UGT1A7: variants seen among roughly 807,000 people sequenced by gnomAD.
The protein encoded by UGT1A7 is UDP-glucuronosyltransferase 1A7.
In UGT1A7, 33 loss-of-function variants were observed where a neutral mutation model predicts 45.6. That is an observed-to-expected ratio of 0.72 (90% CI 0.55 to 0.97). UGT1A7 has a LOEUF of 0.97. Ranked by LOEUF, UGT1A7 falls within the 50% of genes least tolerant of loss-of-function variation. The pLI is 0.00. For synonymous variants in UGT1A7, 274 were observed against 250.6 expected, an observed-to-expected ratio of 1.09 and a Z score of -0.88; for missense variants, 684 against 666.2, an observed-to-expected ratio of 1.03 and a Z score of -0.29.
chr2:233,716,843 C>G (rs1303779141), intron 1 of UGT1A7, among the ~76,000 whole-genome samples: 1 of 152,176 alleles, frequency 6.6e-6, no homozygotes, highest in Non-Finnish European at 1.5e-5. Context: ...ATGGCTTCAG[C>G]TACCACATAT....
intron 1 of UGT1A7, among the ~76,000 whole-genome samples, chr2:233,684,791 C>G (rs2125530049): frequency 6.6e-6 from 1 of 152,178 alleles, no homozygotes; most frequent in South Asian, 2.1e-4. Context: ...GCAAAGAGCC[C>G]TGGATATGGC....
At chr2:233,718,681 T>C in intron 1 of UGT1A7, 1 of 1,572,088 alleles carries the variant, frequency 6.4e-7, no homozygotes, top group Admixed American at 1.8e-5. Context: ...GGGTAATAAG[T>C]AACTGGAGGA....
At chr2:233,747,710 A>G (rs1208548533) in intron 1 of UGT1A7, 3 of 1,612,980 alleles carry the variant, frequency 1.9e-6, no homozygotes, top group Non-Finnish European at 1.7e-6. Flanking sequence ...AGTACCTATC[A>G]ATTCCTGCTG....
Position 233,767,146 on chromosome 2 carries a change from T to C in UGT1A7, c.968T>C (p.Leu323Ser), listed in dbSNP as rs372326047. ...EKKAMAIADA[L>S]GKIPQTVLWR... The stretch of plus-strand genomic sequence containing the variant: ...AAAGCTATGGCAATTGCTGATGCTT[T>C]GGGCAAAATCCCTCAGACAGTAAGA... Residue 323 changes from leucine (L) to serine (S), a missense_variant, in exon 2 of 5, where the codon TTG (leucine) becomes TCG (serine). Transcript: ENST00000373426. 1 of 1,614,014 alleles carries C rather than the reference T, an allele frequency of 6.2e-7. No individual in the cohort carries two copies. Among genetic ancestry groups the C allele is most frequent in the Admixed American group, 1.7e-5 (1 of 60,006 alleles).
intron 1 of UGT1A7, chr2:233,755,178 T>C: frequency 8.1e-7 from 1 of 1,236,812 alleles, no homozygotes; most frequent in Non-Finnish European, 1.1e-6. Flanking sequence ...TTTGTCGGGG[T>C]GCCACTTGAG....
rs1178808521 is a variant in UGT1A7, at chr2:233,725,276, A to AGAG, written c.856-41756_856-41754dup. ...AGGCAGAGGCAGAGGAGGCAGAGGC[A>AGAG]GAGGCAGAGGCAGAGGCAGAGGCAG... On this transcript the variant is annotated intron_variant, in intron 1 of 4. Transcript: ENST00000373426. Among the ~76,000 whole-genome samples the AGAG allele has an allele frequency of 5.2e-3, 248 of 47,428 alleles. 10 individuals carry two copies. The highest frequency in any genetic ancestry group is 6.8e-3 in the Non-Finnish European group (161 of 23,506). 31.1% of individuals were successfully genotyped at this position (47,428 alleles called of 152,430 possible).
chr2:233,765,884 C>T (rs1054179790), intron 1 of UGT1A7, among the ~76,000 whole-genome samples: 2 of 152,082 alleles, frequency 1.3e-5, no homozygotes, highest in African/African-American at 4.8e-5. Context: ...CTCACTTTCT[C>T]AGTGCGCCAC....
At chr2:233,692,857 T>G (rs2075117463) in intron 1 of UGT1A7, 1 of 1,468,162 alleles carries the variant, frequency 6.8e-7, no homozygotes, top group South Asian at 1.5e-5. Context: ...ATTTGGGTTC[T>G]TACATATCAA....
intron 1 of UGT1A7, among the ~76,000 whole-genome samples, chr2:233,722,820 A>AT (rs1013250134): frequency 4.0e-5 from 6 of 148,234 alleles, no homozygotes; most frequent in Non-Finnish European, 9.0e-5. Context: ...TTTTCAAGTT[A>AT]TTTTGTATTA....
chr2:233,726,571 G>C (rs949058531), intron 1 of UGT1A7, among the ~76,000 whole-genome samples: 3 of 152,106 alleles, frequency 2.0e-5, no homozygotes, highest in African/African-American at 7.2e-5. Context: ...TCTTACGCCT[G>C]TCTCCTTCAC....
chr2:233,715,603 C>G (rs1207220731), intron 1 of UGT1A7, among the ~76,000 whole-genome samples: 3 of 151,896 alleles, frequency 2.0e-5, no homozygotes, highest in Non-Finnish European at 4.4e-5. Context: ...GAGACTCCAT[C>G]TCTACAAAAA....
rs201684360 is a variant in UGT1A7 at position 233,682,038 on chromosome 2, A to T, written c.101A>T (p.Asp34Val). ...GGGAAGCTGCTGGTAGTGCCCATGG[A>T]TGGGAGCCACTGGTTCACCATGCAG... Reference protein sequence around the residue: ...KAGKLLVVPMDGSHWFTMQSV... With the variant: ...KAGKLLVVPMVGSHWFTMQSV... Residue 34 changes from aspartate (D) to valine (V), a missense_variant, in exon 1 of 5, where the codon GAT becomes GTT. By Grantham distance (152) the Asp-to-Val change is radical. Transcript: ENST00000373426. 1.2e-6 allele frequency: 2 copies of T among 1,614,046 alleles called. No homozygotes were observed. Among genetic ancestry groups the T allele is most frequent in the South Asian group, 1.1e-5 (1 of 91,080 alleles).
At chr2:233,719,166 A>G (rs569258363) in intron 1 of UGT1A7, 1 of 1,614,266 alleles carries the variant, frequency 6.2e-7, no homozygotes, top group East Asian at 2.2e-5. Flanking sequence ...AAGTATGGCA[A>G]TTATGAACAA....
At chr2:233,701,460 C>A (rs1437947511) in intron 1 of UGT1A7, among the ~76,000 whole-genome samples, 1 of 151,910 alleles carries the variant, frequency 6.6e-6, no homozygotes, top group Admixed American at 6.6e-5. Context: ...ACAAGGATAC[C>A]CAGGAATTGA....
intron 1 of UGT1A7, chr2:233,713,872 C>A (rs1406341020): frequency 3.1e-6 from 5 of 1,613,636 alleles, no homozygotes; most frequent in Middle Eastern, 1.7e-4. Context: ...TGTATTGGTG[C>A]CTTTATCCAA....
rs548170918 is a variant in UGT1A7, at chr2:233,735,411, T to G, written c.856-31623T>G. ...TTTTGAGCCTATGTGTGTCTCTGCA[T>G]GTGAGATAGGCCTCCTGAATACAGC... On this transcript the variant is annotated intron_variant, in intron 1 of 4. Coordinates refer to ENST00000373426, the MANE Select transcript of UGT1A7 (RefSeq NM_019077.3). 2.6e-5 allele frequency among the ~76,000 whole-genome samples: 4 copies of G among 152,294 alleles called. 1 individual carries two copies. In the Middle Eastern group the frequency reaches 0.014, roughly 518 times the overall value.
intron 1 of UGT1A7, among the ~76,000 whole-genome samples, chr2:233,726,156 G>T (rs1332003910): frequency 1.3e-5 from 2 of 152,114 alleles, no homozygotes; most frequent in Non-Finnish European, 2.9e-5. Flanking sequence ...ACAGAGTGAG[G>T]CCCCATTTCA....
chr2:233,758,379 G>T (rs116011249), intron 1 of UGT1A7, among the ~76,000 whole-genome samples: 127 of 152,312 alleles, frequency 8.3e-4, no homozygotes, highest in African/African-American at 3.0e-3. Context: ...TTACAGTGGT[G>T]ACTTATGTGT....
rs146146688 is a variant in UGT1A7 at position 233,719,081 on chromosome 2, G to T, written c.855+36289G>T. 1.8e-5 allele frequency: 29 copies of T among 1,614,132 alleles called. No individual in the cohort carries two copies. In the East Asian group the frequency reaches 3.3e-4, roughly 19 times the overall value. On this transcript the variant is annotated intron_variant, in intron 1 of 4. Transcript: ENST00000373426. ...CCTATGCTGTTCCATGGACCCAGAA[G>T]GAATTTGATCGCGTTACGCTGGGCT...
Sources: allele counts gnomAD v4.1 joint callset (sites outside exome capture counted in the v4.1 genomes callset), GRCh38; gene constraint gnomAD v4.1.1; transcripts MANE v1.5; gene names NCBI Gene and HGNC (gene_info 2026-07-23, HGNC 2026-07-21).